AUTS2: variants seen among roughly 807,000 people sequenced by gnomAD.
AUTS2 encodes activator of transcription and developmental regulator AUTS2.
A neutral mutation model predicts 112.4 loss-of-function variants in AUTS2; 17 were observed. The ratio of observed to expected loss-of-function variants is 0.15; its 90% CI spans 0.10 to 0.23. AUTS2 has a LOEUF of 0.23. Among genes scored for constraint, AUTS2 ranks in the 10% least tolerant of loss-of-function variants. The probability of loss-of-function intolerance (pLI) is 1.00; values close to 1 mark genes in which losing one functional copy is unlikely to be tolerated. For synonymous variants in AUTS2, 751 were observed against 702.7 expected, an observed-to-expected ratio of 1.07 and a Z score of -1.09; for missense variants, 1,510 against 1,701.6, an observed-to-expected ratio of 0.89 and a Z score of 1.98.
At chr7:69,985,243 A>AG (rs1258752803) in intron 2 of AUTS2, among the ~76,000 whole-genome samples, 1 of 151,552 alleles carries the variant, frequency 6.6e-6, no homozygotes, top group South Asian at 2.1e-4. Flanking sequence ...AAAAAAAAAA[A>AG]AAAAGAAAGG....
intron 5 of AUTS2, among the ~76,000 whole-genome samples, chr7:70,495,585 C>A (rs1466844936): frequency 1.3e-5 from 2 of 151,424 alleles, no homozygotes; most frequent in African/African-American, 4.9e-5. Flanking sequence ...CAGCATCAAT[C>A]ACACACCCCA....
intron 5 of AUTS2, among the ~76,000 whole-genome samples, chr7:70,470,564 C>G (rs753564154): frequency 1.3e-5 from 2 of 152,258 alleles, no homozygotes; most frequent in South Asian, 2.1e-4. Flanking sequence ...ACTGGGCCCA[C>G]GCAGCATCTG....
At chr7:70,702,464 C>T (rs899815305) in intron 6 of AUTS2, among the ~76,000 whole-genome samples, 3 of 152,298 alleles carry the variant, frequency 2.0e-5, no homozygotes, top group Admixed American at 6.5e-5. Context: ...TATTTTACCC[C>T]GTGACTTTCT....
intron 1 of AUTS2, among the ~76,000 whole-genome samples, chr7:69,881,321 A>C (rs957775522): frequency 6.6e-6 from 1 of 151,890 alleles, no homozygotes; most frequent in African/African-American, 2.4e-5. Context: ...TTGTGTGGGA[A>C]GATTTTTGAT....
At chr7:70,635,447 C>A (rs1395974334) in intron 5 of AUTS2, among the ~76,000 whole-genome samples, 1 of 152,214 alleles carries the variant, frequency 6.6e-6, no homozygotes, top group Non-Finnish European at 1.5e-5. Flanking sequence ...TGGTGAGCAG[C>A]CAGCCCCTCC....
chr7:69,620,675 A>G (rs888866435), intron 1 of AUTS2, among the ~76,000 whole-genome samples: 6 of 152,232 alleles, frequency 3.9e-5, no homozygotes, highest in African/African-American at 1.4e-4. Context: ...ATACTAAAAA[A>G]GCAAGAATAT....
intron 1 of AUTS2, among the ~76,000 whole-genome samples, chr7:69,878,513 C>T (rs979381229): frequency 1.3e-5 from 2 of 152,140 alleles, no homozygotes; most frequent in African/African-American, 4.8e-5. Context: ...GTCTCCCTTT[C>T]ACTCTCCTGC....
chr7:70,014,356 G>C (rs1018352225), intron 2 of AUTS2, among the ~76,000 whole-genome samples: 2 of 152,108 alleles, frequency 1.3e-5, no homozygotes, highest in Non-Finnish European at 2.9e-5. Context: ...CATTGTCTTA[G>C]CTCTTGTTTT....
At position 69,834,582 on chromosome 7, in the gene AUTS2, G is replaced by T. The variant is rs372654431; in HGVS notation, c.310-64704G>T. Among the ~76,000 whole-genome samples the T allele has an allele frequency of 3.5e-4, 54 of 152,316 alleles. 2 individuals are homozygous for T. The South Asian group carries it at 0.011, about 32-fold the overall frequency. On this transcript the variant is annotated intron_variant, in intron 1 of 18. Coordinates refer to ENST00000342771, the MANE Select transcript of AUTS2 (RefSeq NM_015570.4). ...TTAATCTGATAAACTACCTGCTCTG[G>T]TGTGTTACATTCTGTGTGTGTTTCT...
chr7:69,657,789 C>T (rs1795610968), intron 1 of AUTS2, among the ~76,000 whole-genome samples: 2 of 152,204 alleles, frequency 1.3e-5, no homozygotes, highest in Admixed American at 6.5e-5. Flanking sequence ...ATCTCTGGCT[C>T]CTGTAACAGT....
intron 5 of AUTS2, among the ~76,000 whole-genome samples, chr7:70,486,875 G>A (rs997627557): frequency 3.5e-5 from 5 of 144,634 alleles, no homozygotes; most frequent in African/African-American, 5.1e-5. Context: ...TTTTGGTTTC[G>A]TTTGTTTTGT....
intron 4 of AUTS2, among the ~76,000 whole-genome samples, chr7:70,248,505 G>A (rs1261784780): frequency 6.6e-6 from 1 of 152,008 alleles, no homozygotes; most frequent in Non-Finnish European, 1.5e-5. Flanking sequence ...GACCTCACAG[G>A]GATGAAGATG....
intron 2 of AUTS2, among the ~76,000 whole-genome samples, chr7:70,098,958 T>C (rs1804344566): frequency 6.6e-6 from 1 of 152,136 alleles, no homozygotes; most frequent in Non-Finnish European, 1.5e-5. Context: ...CACCTCGACC[T>C]CCCAAAGTGC....
At chr7:69,712,806 C>T (rs1798390055) in intron 1 of AUTS2, among the ~76,000 whole-genome samples, 2 of 152,144 alleles carry the variant, frequency 1.3e-5, no homozygotes, top group African/African-American at 4.8e-5. Context: ...ACAGTTTTCT[C>T]AAGTGTTAGT....
At chr7:70,682,788 G>C (rs1031076322) in intron 5 of AUTS2, among the ~76,000 whole-genome samples, 1 of 152,280 alleles carries the variant, frequency 6.6e-6, no homozygotes, top group African/African-American at 2.4e-5. Flanking sequence ...GGCAAGTTCA[G>C]CTGGAGCTGG....
At chr7:69,877,738 G>A (rs545454541) in intron 1 of AUTS2, among the ~76,000 whole-genome samples, 2 of 152,126 alleles carry the variant, frequency 1.3e-5, no homozygotes, top group South Asian at 2.1e-4. Flanking sequence ...GTGGTAATTC[G>A]CTTAGGAGAA....
intron 13 of AUTS2, among the ~76,000 whole-genome samples, chr7:70,775,988 CT>C (rs1317377394): frequency 6.6e-6 from 1 of 152,158 alleles, no homozygotes; most frequent in African/African-American, 2.4e-5. Flanking sequence ...CAGCAGATTT[CT>C]TGCTATGCAT....
intron 4 of AUTS2, among the ~76,000 whole-genome samples, chr7:70,170,595 C>CGT (rs750834983): frequency 7.9e-6 from 1 of 127,012 alleles, no homozygotes; most frequent in Non-Finnish European, 1.6e-5. Flanking sequence ...GACACGTTAT[C>CGT]TTTTTTTTTT....
rs75859176 is a variant in AUTS2, at chr7:69,961,290, T to C, written c.522+61792T>C. The stretch of plus-strand genomic sequence containing the variant: ...TCTGTAGTATGGCTTATGTAAAATG[T>C]ATAACTCCCTCTATCTCTGATAAGT... On this transcript the variant is annotated intron_variant, in intron 2 of 18. Coordinates refer to ENST00000342771, the MANE Select transcript of AUTS2 (RefSeq NM_015570.4). Among the ~76,000 whole-genome samples, 37 of 152,270 alleles carry C rather than the reference T, an allele frequency of 2.4e-4. No individual in the cohort carries two copies. In the East Asian group the frequency reaches 7.0e-3, roughly 29 times the overall value.
Sources: allele counts gnomAD v4.1 joint callset (sites outside exome capture counted in the v4.1 genomes callset), GRCh38; gene constraint gnomAD v4.1.1; transcripts MANE v1.5; gene names NCBI Gene and HGNC (gene_info 2026-07-23, HGNC 2026-07-21).